Variants in ATP2B2 observed in about 807,000 individuals in gnomAD.
ATP2B2 encodes ATPase plasma membrane Ca2+ transporting 2.
ATP2B2 carries 15 observed loss-of-function variants against 120.0 expected under a neutral mutation model. The ratio of observed to expected loss-of-function variants is 0.12; its 90% CI spans 0.08 to 0.19. The LOEUF is 0.19. Among genes scored for constraint, ATP2B2 ranks in the 10% least tolerant of loss-of-function variants. ATP2B2 has a pLI of 1.00. For missense variants in ATP2B2, 1,045 were observed against 1,719.8 expected (o/e 0.61, Z 6.94); for synonymous variants, 694 against 700.3 (o/e 0.99, Z 0.14).
chr3:10,539,974 A>C (rs961368388), intron 2 of ATP2B2, among the ~76,000 whole-genome samples: 2 of 152,140 alleles, frequency 1.3e-5, no homozygotes, highest in Non-Finnish European at 2.9e-5. Context: ...ACCCATCCGA[A>C]AAAGGGCTAA....
intron 3 of ATP2B2, among the ~76,000 whole-genome samples, chr3:10,533,590 C>T (rs995595293): frequency 6.6e-6 from 1 of 152,312 alleles, no homozygotes; most frequent in Non-Finnish European, 1.5e-5. Context: ...CACCTGACTA[C>T]CCCAGCTCCA....
rs1401728409 is a variant in ATP2B2, at chr3:10,488,462, A to AATTC, written c.-320+16999_-320+17002dup. 6.9e-3 allele frequency among the ~76,000 whole-genome samples: 528 copies of AATTC among 76,056 alleles called. 7 individuals carry two copies. Among genetic ancestry groups the AATTC allele is most frequent in the African/African-American group, 0.02 (433 of 21,762 alleles). The allele number at this position is 76,056 out of a possible 152,430, so 49.9% of individuals were successfully genotyped here. On this transcript the variant is annotated intron_variant, in intron 1 of 22. Coordinates refer to ENST00000360273, the MANE Select transcript of ATP2B2 (RefSeq NM_001001331.4). ...CCATCCATCCATCCACCACCCTACA[A>AATTC]ATTCCTTCCTTCCTTCCTTCCTTCC...
chr3:10,579,470 C>T (rs1343336665), intron 2 of ATP2B2, among the ~76,000 whole-genome samples: 1 of 152,130 alleles, frequency 6.6e-6, no homozygotes, highest in East Asian at 1.9e-4. Context: ...GTCAGGAGTT[C>T]AAGAGCAGCC....
intron 7 of ATP2B2, 150 bp from the exon 8 acceptor site, chr3:10,385,477 G>A: frequency 1.4e-6 from 1 of 692,784 alleles, no homozygotes; most frequent in Non-Finnish European, 2.5e-6. Context: ...TCAAATTTGG[G>A]GTGGGGGTGA....
intron 2 of ATP2B2, among the ~76,000 whole-genome samples, chr3:10,587,942 T>A (rs1425524280): frequency 6.6e-6 from 1 of 152,222 alleles, no homozygotes; most frequent in African/African-American, 2.4e-5. Flanking sequence ...AGTTTTATTA[T>A]ATAAGCAATA....
chr3:10,377,268 C>G (rs961902538), intron 10 of ATP2B2, among the ~76,000 whole-genome samples: 1 of 152,156 alleles, frequency 6.6e-6, no homozygotes, highest in Non-Finnish European at 1.5e-5. Context: ...GCTCTCCACC[C>G]CCACCTCCAG....
intron 21 of ATP2B2, among the ~76,000 whole-genome samples, chr3:10,339,684 C>T (rs2060221260): frequency 6.6e-6 from 1 of 152,228 alleles, no homozygotes; most frequent in Admixed American, 6.5e-5. Flanking sequence ...GCCACAGGCA[C>T]AGCACTGAGT....
At chr3:10,603,348 G>A (rs1025852294) in intron 2 of ATP2B2, among the ~76,000 whole-genome samples, 2 of 152,244 alleles carry the variant, frequency 1.3e-5, no homozygotes, top group African/African-American at 4.8e-5. Context: ...AAGGATCACA[G>A]CATTGCTGTG....
chr3:10,520,858 G>A (rs191704262), intron 3 of ATP2B2, among the ~76,000 whole-genome samples: 3 of 151,070 alleles, frequency 2.0e-5, no homozygotes, highest in East Asian at 1.9e-4. Flanking sequence ...ACGTGGCTTC[G>A]GCAGGCCACA....
At chr3:10,577,735 G>A (rs920390649) in intron 2 of ATP2B2, among the ~76,000 whole-genome samples, 4 of 152,158 alleles carry the variant, frequency 2.6e-5, no homozygotes, top group Middle Eastern at 3.2e-3. Flanking sequence ...ATGCATTCCC[G>A]GCAGCGTGAC....
At chr3:10,676,952 A>G (rs2071261624) in intron 1 of ATP2B2, among the ~76,000 whole-genome samples, 1 of 152,198 alleles carries the variant, frequency 6.6e-6, no homozygotes, top group South Asian at 2.1e-4. Context: ...ACTCTCATTC[A>G]CTGCTTGTGG....
At chr3:10,500,604 C>A (rs991801788) in intron 1 of ATP2B2, among the ~76,000 whole-genome samples, 2 of 151,822 alleles carry the variant, frequency 1.3e-5, no homozygotes, top group African/African-American at 2.4e-5. Flanking sequence ...ATGGGTGTGA[C>A]GCAGCCACAA....
rs758038730 is a variant in ATP2B2, at chr3:10,350,087, T to A, written c.2404+25A>T. The A allele has an allele frequency of 1.9e-6, 3 of 1,611,588 alleles. No individual in the cohort carries two copies. The Admixed American group carries it at 5.0e-5, about 27-fold the overall frequency. On this transcript the variant is annotated intron_variant, in intron 16 of 22. Transcript: ENST00000360273. The stretch of plus-strand genomic sequence containing the variant: ...TCTGGCCTGGTGCTGGGCTTCAGGA[T>A]TGCCCGTGCCCGCCCAAGTCTTACC...
At chr3:10,587,305 A>T (rs2068533213) in intron 2 of ATP2B2, among the ~76,000 whole-genome samples, 1 of 148,504 alleles carries the variant, frequency 6.7e-6, no homozygotes, top group Admixed American at 6.8e-5. Context: ...ACCCTGTCTC[A>T]ATATATATGT....
At chr3:10,486,883 C>T (rs529268199) in intron 1 of ATP2B2, among the ~76,000 whole-genome samples, 1 of 152,170 alleles carries the variant, frequency 6.6e-6, no homozygotes, top group South Asian at 2.1e-4. Flanking sequence ...CCACACCCAG[C>T]TAATTTTTGT....
At chr3:10,483,333 T>C (rs1341031896) in intron 1 of ATP2B2, among the ~76,000 whole-genome samples, 1 of 152,236 alleles carries the variant, frequency 6.6e-6, no homozygotes, top group Non-Finnish European at 1.5e-5. Flanking sequence ...CCTGTCTTAT[T>C]TCGCCTTCCC....
chr3:10,551,759 C>G (rs1264805659), intron 2 of ATP2B2, among the ~76,000 whole-genome samples: 1 of 152,184 alleles, frequency 6.6e-6, no homozygotes, highest in East Asian at 1.9e-4. Context: ...CTACCTTGGT[C>G]TGCCAGTAAA....
chr3:10,392,217 T>C (rs1416090607), intron 5 of ATP2B2, among the ~76,000 whole-genome samples: 1 of 152,134 alleles, frequency 6.6e-6, no homozygotes, highest in Non-Finnish European at 1.5e-5. Context: ...GCACAATTTT[T>C]TGTACTATTT....
At chr3:10,348,237 G>A (rs1483056344) in intron 16 of ATP2B2, among the ~76,000 whole-genome samples, 1 of 152,014 alleles carries the variant, frequency 6.6e-6, no homozygotes, top group Non-Finnish European at 1.5e-5. Context: ...CCACCACCCA[G>A]CCCAGACCCC....
Sources: gnomAD v4.1 joint callset for allele counts (sites outside exome capture counted in the v4.1 genomes callset) on GRCh38, gnomAD v4.1.1 for gene constraint, MANE v1.5 for transcripts, NCBI Gene and HGNC (gene_info 2026-07-23, HGNC 2026-07-21) for gene names.